TRABD2B: variants seen among roughly 807,000 people sequenced by gnomAD.
TRABD2B encodes TraB domain containing 2B.
A neutral mutation model predicts 40.1 loss-of-function variants in TRABD2B; 14 were observed. The ratio of observed to expected loss-of-function variants is 0.35; its 90% confidence interval spans 0.23 to 0.55. The LOEUF is 0.55. Among genes scored for constraint, TRABD2B ranks in the 20% least tolerant of loss-of-function variants. The pLI is 0.90. For synonymous variants in TRABD2B, 263 were observed against 277.0 expected, an observed-to-expected ratio of 0.95 and a Z score of 0.50; for missense variants, 541 against 648.6, an observed-to-expected ratio of 0.83 and a Z score of 1.80.
chr1:47,935,773 A>G (rs573074712), intron 2 of TRABD2B, among the ~76,000 whole-genome samples: 2 of 152,244 alleles, frequency 1.3e-5, no homozygotes, highest in Non-Finnish European at 2.9e-5. Context: ...CAATATTTAG[A>G]TATCTAAACT....
rs12047548 is a variant in TRABD2B at position 47,803,354 on chromosome 1, G to C, written c.667-1735C>G. ...TAGTAACCATTATAAATTCAGGCCT[G>C]AAAAGTAGTTACGTGCTGCTGATGC... On this transcript the variant is annotated intron_variant, in intron 2 of 6. Transcript: ENST00000606738. Among the ~76,000 whole-genome samples, 42 of 152,316 alleles carry C rather than the reference G, an allele frequency of 2.8e-4. No individual in the cohort carries two copies. In the East Asian group the frequency reaches 7.9e-3, roughly 29 times the overall value.
chr1:47,888,594 A>C (rs1412843397), intron 2 of TRABD2B, among the ~76,000 whole-genome samples: 1 of 152,060 alleles, frequency 6.6e-6, no homozygotes, highest in East Asian at 1.9e-4. Flanking sequence ...TCACCTCCAA[A>C]CTGGGAGTGA....
rs189090484 is a variant in TRABD2B at position 47,775,193 on chromosome 1, G to A, written c.1326C>T (p.Asp442=). The A allele has an allele frequency of 4.0e-3, 4,993 of 1,238,824 alleles. 14 individuals are homozygous for A. The highest frequency in any genetic ancestry group is 6.9e-3 in the Admixed American group (166 of 24,220). The allele number at this position is 1,238,824 out of a possible 1,614,324, so 76.7% of individuals were successfully genotyped here. ...ACCTGTCCTCGATGCGGACCCAGAG[G>A]TCATTGAACTGCCGCGGCCGCTGGT... The part of the protein sequence containing the change: ...STHQRPRQFN[D]LWVRIEDSTT... The change falls in exon 6 of 7, where the codon GAC becomes GAT. Residue 442 remains aspartate (D), a synonymous_variant. Transcript: ENST00000606738.
intron 2 of TRABD2B, among the ~76,000 whole-genome samples, chr1:47,809,501 G>A (rs1644934537): frequency 6.6e-6 from 1 of 152,168 alleles, no homozygotes; most frequent in Non-Finnish European, 1.5e-5. Flanking sequence ...CTAGACCCTG[G>A]GCCCAAATCA....
At chr1:47,984,410 G>A (rs935898641) in intron 2 of TRABD2B, among the ~76,000 whole-genome samples, 1 of 152,256 alleles carries the variant, frequency 6.6e-6, no homozygotes. Context: ...GGCCAGGCCA[G>A]AGAGGCGGCG....
intron 3 of TRABD2B, 130 bp from the exon 4 acceptor site, chr1:47,794,890 CCTG>C: frequency 1.2e-6 from 1 of 811,232 alleles, no homozygotes; most frequent in South Asian, 2.1e-5. Context: ...AAGCCATCCT[CCTG>C]CCTCAGCCTC....
intron 2 of TRABD2B, among the ~76,000 whole-genome samples, chr1:47,947,859 G>A (rs1475898051): frequency 6.6e-6 from 1 of 152,186 alleles, no homozygotes; most frequent in Non-Finnish European, 1.5e-5. Flanking sequence ...CCGAGGCTCA[G>A]AGGGTAAAGC....
intron 2 of TRABD2B, among the ~76,000 whole-genome samples, chr1:47,976,655 T>A (rs1368029030): frequency 6.6e-6 from 1 of 152,088 alleles, no homozygotes; most frequent in Admixed American, 6.5e-5. Context: ...AGGGAGTGAT[T>A]TGCAATTTCA....
chr1:47,870,348 T>G (rs559322416), intron 2 of TRABD2B, among the ~76,000 whole-genome samples: 2 of 152,278 alleles, frequency 1.3e-5, no homozygotes, highest in South Asian at 4.2e-4. Flanking sequence ...CTGATGGGAA[T>G]TCTGTGTTGC....
At chr1:47,795,830 G>A (rs1434696996) in intron 3 of TRABD2B, 2 of 476,410 alleles carry the variant, frequency 4.2e-6, no homozygotes, top group Admixed American at 6.4e-5. Context: ...CTCAACCCCA[G>A]GACCATGGCT....
Position 47,765,808 on chromosome 1 carries a change from T to C in TRABD2B, c.*94A>G, listed in dbSNP as rs1644293824. The C allele has an allele frequency of 4.3e-6, 3 of 702,334 alleles. No individual in the cohort carries two copies. Among genetic ancestry groups the C allele is most frequent in the South Asian group, 1.5e-5 (1 of 67,264 alleles). 43.5% of individuals were successfully genotyped at this position (702,334 alleles called of 1,614,324 possible). A position where few individuals can be genotyped will look rare whatever the true frequency, so the allele number is the denominator to read the frequency against. ...TCCCATGTGGACTGCCCTCGACGTG[T>C]TGGGCACCCCCTGGAGGTGGTGGCA... On this transcript the variant is annotated 3_prime_UTR_variant, in exon 7 of 7. Coordinates refer to ENST00000606738, the MANE Select transcript of TRABD2B (RefSeq NM_001194986.2).
intron 2 of TRABD2B, among the ~76,000 whole-genome samples, chr1:47,847,870 G>A (rs1047934527): frequency 2.4e-4 from 36 of 152,322 alleles, no homozygotes; most frequent in African/African-American, 5.3e-4. Context: ...CTTTGATAGC[G>A]CCTCATTACA....
intron 2 of TRABD2B, among the ~76,000 whole-genome samples, chr1:47,839,010 T>C (rs559142554): frequency 5.9e-5 from 9 of 152,312 alleles, no homozygotes; most frequent in Non-Finnish European, 1.3e-4. Context: ...GGCACTGGGT[T>C]GGCACGGAGG....
intron 2 of TRABD2B, among the ~76,000 whole-genome samples, chr1:47,886,652 GT>G (rs1182037312): frequency 2.6e-5 from 4 of 152,024 alleles, no homozygotes; most frequent in Non-Finnish European, 2.9e-5. Flanking sequence ...TTGTTCATTC[GT>G]TCATTCATTC....
At chr1:47,840,272 A>C (rs1645378784) in intron 2 of TRABD2B, among the ~76,000 whole-genome samples, 1 of 152,200 alleles carries the variant, frequency 6.6e-6, no homozygotes, top group African/African-American at 2.4e-5. Context: ...CCTTTCACAT[A>C]CATTGCCTTA....
intron 2 of TRABD2B, among the ~76,000 whole-genome samples, chr1:47,952,082 C>A (rs1016320974): frequency 1.3e-5 from 2 of 152,206 alleles, no homozygotes; most frequent in Non-Finnish European, 2.9e-5. Context: ...AAGCTTCCTC[C>A]CTGGCACTCA....
At chr1:47,830,186 G>A (rs2124445825) in intron 2 of TRABD2B, among the ~76,000 whole-genome samples, 1 of 152,362 alleles carries the variant, frequency 6.6e-6, no homozygotes. Context: ...CCTCCCTGAA[G>A]GCAGCAGCAT....
intron 2 of TRABD2B, among the ~76,000 whole-genome samples, chr1:47,980,963 C>A (rs1288888428): frequency 2.6e-5 from 4 of 152,196 alleles, no homozygotes; most frequent in Non-Finnish European, 5.9e-5. Context: ...CGCCTCTACT[C>A]TCAGATTCCA....
chr1:47,803,754 T>C (rs908618766), intron 2 of TRABD2B, among the ~76,000 whole-genome samples: 3 of 152,228 alleles, frequency 2.0e-5, no homozygotes, highest in Admixed American at 6.5e-5. Flanking sequence ...ATTTTTGAAT[T>C]TGCAGCACTC....
Sources: allele counts gnomAD v4.1 joint callset (sites outside exome capture counted in the v4.1 genomes callset), GRCh38; gene constraint gnomAD v4.1.1; transcripts MANE v1.5; gene names NCBI Gene and HGNC (gene_info 2026-07-23, HGNC 2026-07-21).